The following SRGAP1 variants were observed in gnomAD, a reference collection of about 807,000 sequenced individuals.
The protein encoded by SRGAP1 is SLIT-ROBO Rho GTPase activating protein 1.
A neutral mutation model predicts 121.9 loss-of-function variants in SRGAP1; 43 were observed. That is an observed-to-expected ratio of 0.35 (90% confidence interval 0.28 to 0.46). The LOEUF is 0.46. SRGAP1 is among the 20% of genes least tolerant of loss of function. The pLI is 1.00. For synonymous variants in SRGAP1, 447 were observed against 485.4 expected, an observed-to-expected ratio of 0.92 and a Z score of 1.04; for missense variants, 1,102 against 1,350.9, an observed-to-expected ratio of 0.82 and a Z score of 2.89.
rs147452333 is a variant in SRGAP1, at chr12:64,013,029, C to T, written c.427-3921C>T. The stretch of plus-strand genomic sequence containing the variant: ...CTAGGATTATAGGTGTGAGCCACCA[C>T]ACCTGGCCTCACTTATTGAATTCTG... On this transcript the variant is annotated intron_variant, in intron 3 of 21. Transcript: ENST00000355086. Among the ~76,000 whole-genome samples, 427 of 152,268 alleles carry T rather than the reference C, an allele frequency of 2.8e-3. 1 individual carries two copies. Among genetic ancestry groups the T allele is most frequent in the Non-Finnish European group, 5.0e-3 (343 of 68,022 alleles).
chr12:63,870,931 T>C (rs1899831051), intron 1 of SRGAP1, among the ~76,000 whole-genome samples: 1 of 152,168 alleles, frequency 6.6e-6, no homozygotes, highest in Admixed American at 6.6e-5. Context: ...TCAGCTTCTA[T>C]CTCTTCTCTT....
intron 3 of SRGAP1, among the ~76,000 whole-genome samples, chr12:63,996,567 A>C (rs148675658): frequency 6.6e-6 from 1 of 152,126 alleles, no homozygotes; most frequent in African/African-American, 2.4e-5. Flanking sequence ...CATGGTTGTC[A>C]TGTACAAACA....
At chr12:63,996,649 A>G (rs915249620) in intron 3 of SRGAP1, among the ~76,000 whole-genome samples, 2 of 152,148 alleles carry the variant, frequency 1.3e-5, no homozygotes, top group Non-Finnish European at 2.9e-5. Flanking sequence ...TAGTATACTT[A>G]TATAACAGTA....
chr12:63,977,817 C>A (rs535503311), intron 1 of SRGAP1, among the ~76,000 whole-genome samples: 6 of 151,936 alleles, frequency 3.9e-5, no homozygotes, highest in Admixed American at 3.3e-4. Flanking sequence ...TAAAAAAAAA[C>A]AGTAAATTTT....
intron 8 of SRGAP1, among the ~76,000 whole-genome samples, chr12:64,077,690 A>G (rs1057189577): frequency 6.6e-6 from 1 of 151,954 alleles, no homozygotes; most frequent in Non-Finnish European, 1.5e-5. Context: ...AGATAACATA[A>G]AGCAGTATCT....
chr12:63,941,566 C>G (rs1035284163), intron 1 of SRGAP1, among the ~76,000 whole-genome samples: 7 of 151,904 alleles, frequency 4.6e-5, no homozygotes, highest in Admixed American at 3.9e-4. Flanking sequence ...TTGGGTTTCA[C>G]CAAAGCTGTC....
At chr12:64,079,707 A>T (rs1182087643) in intron 9 of SRGAP1, among the ~76,000 whole-genome samples, 1 of 151,844 alleles carries the variant, frequency 6.6e-6, no homozygotes, top group African/African-American at 2.4e-5. Flanking sequence ...AACACACAGT[A>T]CTTTTAAACT....
chr12:63,870,074 C>G (rs1000529664), intron 1 of SRGAP1, among the ~76,000 whole-genome samples: 2 of 152,282 alleles, frequency 1.3e-5, no homozygotes, highest in South Asian at 4.1e-4. Flanking sequence ...GCTTACATTG[C>G]ATGTTATTCA....
intron 4 of SRGAP1, among the ~76,000 whole-genome samples, chr12:64,031,340 C>T (rs1171667046): frequency 9.0e-5 from 13 of 144,744 alleles, no homozygotes; most frequent in African/African-American, 3.3e-4. Flanking sequence ...AAAAAAATAG[C>T]TGCCATCTAC....
chr12:64,126,945 G>GTCCCATAAA (rs1398921139), intron 19 of SRGAP1, among the ~76,000 whole-genome samples: 5 of 152,088 alleles, frequency 3.3e-5, no homozygotes, highest in African/African-American at 4.8e-5. Flanking sequence ...GGTCCCATAG[G>GTCCCATAAA]ATTTAATATC....
At chr12:63,904,455 C>G (rs1339897920) in intron 1 of SRGAP1, among the ~76,000 whole-genome samples, 1 of 152,162 alleles carries the variant, frequency 6.6e-6, no homozygotes, top group African/African-American at 2.4e-5. Flanking sequence ...AGATGGAAGT[C>G]AGGTGTTGAG....
In SRGAP1 at chr12:63,873,757, G is replaced by A. The variant is rs115835610; in HGVS notation, c.67+28874G>A. Among the ~76,000 whole-genome samples the A allele has an allele frequency of 8.8e-3, 1,330 of 150,838 alleles. 16 individuals are homozygous for A. Among genetic ancestry groups the A allele is most frequent in the African/African-American group, 0.031 (1,270 of 41,170 alleles). Reference sequence around the variant, plus strand: ...AATCTCAGTTCGCTGCAACCTCAGCGTCCAGGGTTCAAGTGATTCTCCTGC... The same window carrying A: ...AATCTCAGTTCGCTGCAACCTCAGCATCCAGGGTTCAAGTGATTCTCCTGC... On this transcript the variant is annotated intron_variant, in intron 1 of 21. Coordinates refer to ENST00000355086, the MANE Select transcript of SRGAP1 (RefSeq NM_020762.4).
intron 6 of SRGAP1, among the ~76,000 whole-genome samples, chr12:64,056,856 A>G (rs1036558913): frequency 2.6e-5 from 4 of 151,976 alleles, no homozygotes; most frequent in Admixed American, 2.6e-4. Context: ...GCTTCTTTTC[A>G]TTTATGTTGC....
chr12:63,853,953 T>C (rs1257157086), intron 1 of SRGAP1, among the ~76,000 whole-genome samples: 1 of 152,256 alleles, frequency 6.6e-6, no homozygotes, highest in East Asian at 1.9e-4. Context: ...TTATATACTT[T>C]GGTTTTTCCT....
chr12:63,847,080 G>A lies in SRGAP1; in HGVS notation c.67+2197G>A, dbSNP rs759043741. On this transcript the variant is annotated intron_variant, in intron 1 of 21. Coordinates refer to ENST00000355086, the MANE Select transcript of SRGAP1 (RefSeq NM_020762.4). ...GCAGTGGTGCATGCCTGTAATCTCC[G>A]CATTTCAGGAGGCTGAGGCAGGCGG... 1.0e-3 allele frequency among the ~76,000 whole-genome samples: 158 copies of A among 152,154 alleles called. 2 individuals carry two copies. The highest frequency in any genetic ancestry group is 2.0e-3 in the Non-Finnish European group (133 of 68,030).
intron 1 of SRGAP1, among the ~76,000 whole-genome samples, chr12:63,938,674 G>A (rs555191302): frequency 1.3e-5 from 2 of 152,018 alleles, no homozygotes; most frequent in East Asian, 3.9e-4. Flanking sequence ...ATAGAGTGAA[G>A]CAATAACTTT....
At chr12:64,033,614 G>T (rs2034832121) in intron 4 of SRGAP1, among the ~76,000 whole-genome samples, 1 of 151,868 alleles carries the variant, frequency 6.6e-6, no homozygotes, top group Non-Finnish European at 1.5e-5. Context: ...GCTACTCTGG[G>T]GGCTGAGGCA....
intron 8 of SRGAP1, among the ~76,000 whole-genome samples, chr12:64,070,896 A>G (rs1172275337): frequency 6.6e-6 from 1 of 152,146 alleles, no homozygotes; most frequent in Non-Finnish European, 1.5e-5. Flanking sequence ...TCAATGATCA[A>G]ACTCTCATGG....
rs1322872833 is a variant in SRGAP1 at position 64,143,662 on chromosome 12, C to T, written c.*990C>T. 6.6e-6 allele frequency: 1 copy of T among 152,078 alleles called. No individual in the cohort carries two copies. Among genetic ancestry groups the T allele is most frequent in the Non-Finnish European group, 1.5e-5 (1 of 68,108 alleles). 9.4% of individuals were successfully genotyped at this position (152,078 alleles called of 1,614,324 possible). A position where few individuals can be genotyped will look rare whatever the true frequency, so the allele number is the denominator to read the frequency against. ...GGTTCCTTTAAACATGCTACAAAGC[C>T]CAGGCATGGTGGTGCACACCTGTAC... On this transcript the variant is annotated 3_prime_UTR_variant, in exon 22 of 22. Coordinates refer to ENST00000355086, the MANE Select transcript of SRGAP1 (RefSeq NM_020762.4).
Sources: allele counts gnomAD v4.1 joint callset (sites outside exome capture counted in the v4.1 genomes callset), GRCh38; gene constraint gnomAD v4.1.1; transcripts MANE v1.5; gene names NCBI Gene and HGNC (gene_info 2026-07-23, HGNC 2026-07-21).